JARID2: variants seen among roughly 807,000 people sequenced by gnomAD.
JARID2 encodes the protein protein Jumonji.
JARID2 carries 21 observed loss-of-function variants against 125.6 expected under a neutral mutation model. That is an observed-to-expected ratio of 0.17 (90% CI 0.12 to 0.24). The LOEUF (loss-of-function observed/expected upper bound fraction) is 0.24. Among genes scored for constraint, JARID2 ranks in the 10% least tolerant of loss-of-function variants. JARID2 has a pLI of 1.00. For synonymous variants in JARID2, 736 were observed against 661.6 expected, an observed-to-expected ratio of 1.11 and a Z score of -1.73; for missense variants, 1,303 against 1,639.6, an observed-to-expected ratio of 0.79 and a Z score of 3.55.
chr6:15,478,350 G>A (rs1030591499), intron 5 of JARID2, among the ~76,000 whole-genome samples: 1 of 152,138 alleles, frequency 6.6e-6, no homozygotes, highest in African/African-American at 2.4e-5. Context: ...GGGGTTGTGG[G>A]GGAGGATATG....
intron 1 of JARID2, among the ~76,000 whole-genome samples, chr6:15,367,370 C>T (rs1764017070): frequency 6.6e-6 from 1 of 152,268 alleles, no homozygotes; most frequent in Non-Finnish European, 1.5e-5. Context: ...CGATGGTTTG[C>T]CAATTGTAGG....
chr6:15,304,581 T>C (rs1425319443), intron 1 of JARID2, among the ~76,000 whole-genome samples: 1 of 151,966 alleles, frequency 6.6e-6, no homozygotes, highest in Non-Finnish European at 1.5e-5. Context: ...TTTTGACCTT[T>C]GTAGCATGGC....
intron 1 of JARID2, among the ~76,000 whole-genome samples, chr6:15,373,717 G>C (rs1201847326): frequency 9.9e-5 from 15 of 152,182 alleles, no homozygotes; most frequent in Admixed American, 9.8e-4. Context: ...ACATATTTCT[G>C]TTGCAGTGTA....
In JARID2 at chr6:15,463,202, C is replaced by T. The variant is rs80081385; in HGVS notation, c.494-5340C>T. 8.1e-3 allele frequency among the ~76,000 whole-genome samples: 1,236 copies of T among 152,212 alleles called. 3 individuals carry two copies. Among genetic ancestry groups the T allele is most frequent in the Non-Finnish European group, 0.012 (791 of 68,010 alleles). On this transcript the variant is annotated intron_variant, in intron 4 of 17. Coordinates refer to ENST00000341776, the MANE Select transcript of JARID2 (RefSeq NM_004973.4). ...ACCACCCATAAAGTCTTCCCCTGCT[C>T]CCCCTGAAAAAAATCCCACACAATT...
chr6:15,351,275 T>C (rs1763420497), intron 1 of JARID2, among the ~76,000 whole-genome samples: 1 of 152,048 alleles, frequency 6.6e-6, no homozygotes, highest in Non-Finnish European at 1.5e-5. Flanking sequence ...TTCTCTGAGG[T>C]AAAGAGATGC....
chr6:15,326,225 TG>T lies in JARID2; in HGVS notation c.46-47886del, dbSNP rs1431459030. Among the ~76,000 whole-genome samples the T allele has an allele frequency of 2.0e-5, 3 of 152,206 alleles. No homozygotes were observed. The South Asian group carries it at 6.2e-4, about 32-fold the overall frequency. On this transcript the variant is annotated intron_variant, in intron 1 of 17. Transcript: ENST00000341776. ...GTGAAGCAAATCTCAGACATTTTTT[TG>T]GGGGGTGGAAGGTGGAGACAGGGTG... is the stretch of plus-strand genomic sequence containing the variant.
chr6:15,287,740 G>T (rs1761057291), intron 1 of JARID2, among the ~76,000 whole-genome samples: 1 of 152,132 alleles, frequency 6.6e-6, no homozygotes, highest in Non-Finnish European at 1.5e-5. Flanking sequence ...CTTAGCTTCG[G>T]TGTCATTTCC....
intron 8 of JARID2, among the ~76,000 whole-genome samples, chr6:15,503,130 C>T (rs1770822199): frequency 6.6e-6 from 1 of 152,238 alleles, no homozygotes; most frequent in Admixed American, 6.5e-5. Flanking sequence ...GCGTGGTGGC[C>T]ATGGCGAAGC....
chr6:15,393,358 T>C (rs921691108), intron 2 of JARID2, among the ~76,000 whole-genome samples: 14 of 152,366 alleles, frequency 9.2e-5, no homozygotes, highest in African/African-American at 2.9e-4. Flanking sequence ...TCTACCTTTG[T>C]CATTTACCTT....
At chr6:15,329,383 A>G (rs1396708083) in intron 1 of JARID2, among the ~76,000 whole-genome samples, 1 of 152,082 alleles carries the variant, frequency 6.6e-6, no homozygotes, top group African/African-American at 2.4e-5. Context: ...GTTTATAGGG[A>G]GAGTTGACAT....
intron 1 of JARID2, among the ~76,000 whole-genome samples, chr6:15,283,124 G>A (rs1253390099): frequency 2.5e-4 from 35 of 137,726 alleles, no homozygotes; most frequent in South Asian, 2.4e-4. Context: ...GACTACAGGC[G>A]CCCGCCACCA....
chr6:15,424,725 G>A (rs7747437), intron 3 of JARID2, among the ~76,000 whole-genome samples: 12,958 of 152,154 alleles, frequency 0.085, 739 homozygotes, highest in Middle Eastern at 0.15. Flanking sequence ...TTGGTGTGGT[G>A]GCGCATCCTT....
chr6:15,361,482 C>T (rs986199467), intron 1 of JARID2, among the ~76,000 whole-genome samples: 1 of 152,228 alleles, frequency 6.6e-6, no homozygotes, highest in African/African-American at 2.4e-5. Context: ...ATCCACTTTG[C>T]TTATAACACA....
At position 15,451,997 on chromosome 6, in the gene JARID2, C is replaced by G. The variant is rs111898870; in HGVS notation, c.324-9C>G. On this transcript the variant is annotated splice_polypyrimidine_tract_variant and intron_variant, in intron 3 of 17. Transcript: ENST00000341776. ...TTAATTTATTTTTAATTTTCTTTTG[C>G]TTTTGCAGGCCCAGGCTGCAAGCAC... is the stretch of plus-strand genomic sequence containing the variant. 1.2e-6 allele frequency: 2 copies of G among 1,610,658 alleles called. No individual in the cohort carries two copies. The highest frequency in any genetic ancestry group is 3.4e-5 in the Admixed American group (2 of 59,286).
At chr6:15,351,532 A>G (rs1196633240) in intron 1 of JARID2, among the ~76,000 whole-genome samples, 1 of 152,136 alleles carries the variant, frequency 6.6e-6, no homozygotes, top group Non-Finnish European at 1.5e-5. Context: ...TTCCTCATGT[A>G]AAATGGAGGG....
chr6:15,285,236 G>A (rs549347232), intron 1 of JARID2, among the ~76,000 whole-genome samples: 2 of 150,274 alleles, frequency 1.3e-5, no homozygotes, highest in Non-Finnish European at 3.0e-5. Flanking sequence ...TCAGCCTCCT[G>A]AGTAGCTGGG....
chr6:15,360,804 C>G (rs182655087), intron 1 of JARID2, among the ~76,000 whole-genome samples: 2 of 152,254 alleles, frequency 1.3e-5, no homozygotes, highest in East Asian at 3.9e-4. Context: ...TGCGCCCAAC[C>G]TAGTCTTTCT....
At chr6:15,452,742 T>G (rs893367053) in intron 4 of JARID2, among the ~76,000 whole-genome samples, 2 of 152,252 alleles carry the variant, frequency 1.3e-5, no homozygotes, top group African/African-American at 4.8e-5. Context: ...ATTTGGGATC[T>G]GCTGAATAGA....
At chr6:15,273,139 G>T (rs768308459) in intron 1 of JARID2, among the ~76,000 whole-genome samples, 3 of 152,086 alleles carry the variant, frequency 2.0e-5, no homozygotes, top group Non-Finnish European at 4.4e-5. Context: ...CCTCATGTGG[G>T]TGGGGAGGAT....
Sources: allele counts gnomAD v4.1 joint callset (sites outside exome capture counted in the v4.1 genomes callset), GRCh38; gene constraint gnomAD v4.1.1; transcripts MANE v1.5; gene names NCBI Gene and HGNC (gene_info 2026-07-23, HGNC 2026-07-21).